Variants in TRMO observed in about 807,000 individuals in gnomAD.
The protein encoded by TRMO is tRNA (adenine(37)-N6)-methyltransferase.
TRMO carries 30 observed loss-of-function variants against 37.2 expected under a neutral mutation model. The ratio of observed to expected loss-of-function variants is 0.81; its 90% CI spans 0.60 to 1.09. The LOEUF (loss-of-function observed/expected upper bound fraction) is 1.09. Among genes scored for constraint, TRMO ranks in the 50% least tolerant of loss-of-function variants. TRMO has a pLI of 0.00. For synonymous variants in TRMO, 239 were observed against 199.4 expected (o/e 1.20, Z -1.67); for missense variants, 552 against 549.5 (o/e 1.00, Z -0.05).
intron 4 of TRMO, among the ~76,000 whole-genome samples, chr9:97,907,398 G>A (rs1327387294): frequency 6.6e-6 from 1 of 152,158 alleles, no homozygotes; most frequent in East Asian, 1.9e-4. Flanking sequence ...CCAACTTTTA[G>A]ACTTCTTTTT....
At chr9:97,899,601 A>G (rs1248538142), downstream of TRMO, among the ~76,000 whole-genome samples, 1 of 151,986 alleles carries the variant, frequency 6.6e-6, no homozygotes, top group Non-Finnish European at 1.5e-5. Context: ...AATTAAAAAG[A>G]CAGGCCAGGC....
the TRMO span, among the ~76,000 whole-genome samples, chr9:97,898,990 T>C: frequency 2.0e-5 from 3 of 151,602 alleles, no homozygotes; most frequent in East Asian, 5.8e-4. Flanking sequence ...CAGGCGCCTG[T>C]CACCACACCC....
downstream of TRMO, among the ~76,000 whole-genome samples, chr9:97,899,818 C>T (rs1286375723): frequency 6.6e-6 from 1 of 151,892 alleles, no homozygotes; most frequent in Non-Finnish European, 1.5e-5. Context: ...AGTTTGAGCC[C>T]AGGGGCAGAA....
At position 97,921,423 on chromosome 9, in the gene TRMO, ATT is replaced by A. The variant is rs1205049397; in HGVS notation, c.76+993_76+994del. 2.5e-3 allele frequency among the ~76,000 whole-genome samples: 356 copies of A among 140,198 alleles called. 6 individuals carry two copies. In the East Asian group the frequency reaches 0.056, roughly 22 times the overall value. The allele number at this position is 140,198 out of a possible 152,430, so 92.0% of individuals were successfully genotyped here. Reference sequence around the variant, plus strand: ...TTAATAATAACAAAACAAAGTGTTAATTTTTTTTTTTTTTTTTTGAGACGGAG... The same window carrying A: ...TTAATAATAACAAAACAAAGTGTTAATTTTTTTTTTTTTTTTGAGACGGAG... On this transcript the variant is annotated intron_variant, in intron 1 of 4. Coordinates refer to ENST00000375119, the MANE Select transcript of TRMO (RefSeq NM_016481.5).
chr9:97,903,635 G>A (rs1825735246), downstream of TRMO, among the ~76,000 whole-genome samples: 1 of 152,146 alleles, frequency 6.6e-6, no homozygotes. Flanking sequence ...GAGGATCCAT[G>A]TATAATTACT....
intron 1 of TRMO, 106 bp from the exon 2 acceptor site, chr9:97,916,444 T>G (rs1826364652): frequency 6.6e-6 from 5 of 757,688 alleles, no homozygotes; most frequent in Non-Finnish European, 1.1e-5. Context: ...AAAATCTTAG[T>G]GTCGTGCAAC....
At chr9:97,906,263 C>T (rs908936632) in intron 4 of TRMO, among the ~76,000 whole-genome samples, 1 of 152,228 alleles carries the variant, frequency 6.6e-6, no homozygotes, top group East Asian at 1.9e-4. Flanking sequence ...GCTCATCACA[C>T]TCCCCTGTGA....
chr9:97,918,468 G>T (rs1449612590), intron 1 of TRMO, among the ~76,000 whole-genome samples: 1 of 151,422 alleles, frequency 6.6e-6, no homozygotes, highest in Non-Finnish European at 1.5e-5. Flanking sequence ...TCAATATAAA[G>T]TCCAAGGTTT....
the TRMO span, among the ~76,000 whole-genome samples, chr9:97,897,530 G>A: frequency 6.6e-6 from 1 of 152,188 alleles, no homozygotes; most frequent in African/African-American, 2.4e-5. Flanking sequence ...ACTATCATTT[G>A]CTGACCCCTC....
chr9:97,898,109 C>G, the TRMO span, among the ~76,000 whole-genome samples: 1 of 152,166 alleles, frequency 6.6e-6, no homozygotes. Context: ...ATGCCAAGTG[C>G]CCCCCTCCAC....
At chr9:97,913,009 G>A in intron 3 of TRMO, 1 of 989,916 alleles carries the variant, frequency 1.0e-6, no homozygotes. Flanking sequence ...ACCAGTCTAT[G>A]TGTTTTCCAT....
chr9:97,917,540 T>C (rs1157483864), intron 1 of TRMO, among the ~76,000 whole-genome samples: 4 of 152,138 alleles, frequency 2.6e-5, no homozygotes, highest in East Asian at 1.9e-4. Flanking sequence ...AATGTGGAAA[T>C]TGAAAAAGTA....
chr9:97,913,066 A>G (rs1436930640), intron 3 of TRMO: 9 of 575,746 alleles, frequency 1.6e-5, no homozygotes, highest in African/African-American at 1.5e-4. Context: ...GAAAGTGTCC[A>G]TTTATTTTTA....
At chr9:97,907,617 A>T (rs1364497745) in intron 4 of TRMO, among the ~76,000 whole-genome samples, 1 of 152,044 alleles carries the variant, frequency 6.6e-6, no homozygotes, top group Non-Finnish European at 1.5e-5. Context: ...ACATCCCAGA[A>T]ATCACACAGG....
At chr9:97,917,845 A>ATT (rs112794003) in intron 1 of TRMO, among the ~76,000 whole-genome samples, 9 of 134,292 alleles carry the variant, frequency 6.7e-5, no homozygotes, top group Non-Finnish European at 1.1e-4. Flanking sequence ...TGCCCATCTA[A>ATT]TTTTTTTTTT....
chr9:97,920,095 T>G (rs1487462800), intron 1 of TRMO, among the ~76,000 whole-genome samples: 1 of 152,228 alleles, frequency 6.6e-6, no homozygotes, highest in Non-Finnish European at 1.5e-5. Context: ...CTTCTTCTTC[T>G]TGCCTATCTC....
chr9:97,904,452 C>T, downstream of TRMO: 2 of 1,196,952 alleles, frequency 1.7e-6, no homozygotes, highest in East Asian at 4.1e-5. Flanking sequence ...ATCAAGTGCA[C>T]CAAGAACAGC....
In TRMO at chr9:97,913,392, A is replaced by G; in HGVS notation, c.409+9T>C. ...GGAAAAAGGTAAAAGTAGAAATGAA[A>G]TGGGTTACCTTCTACCTTTTCCAGC... On this transcript the variant is annotated intron_variant, in intron 3 of 4. Coordinates refer to ENST00000375119, the MANE Select transcript of TRMO (RefSeq NM_016481.5). 1 of 1,613,888 alleles carries G rather than the reference A, an allele frequency of 6.2e-7. No individual in the cohort carries two copies. Among genetic ancestry groups the G allele is most frequent in the Non-Finnish European group, 8.5e-7 (1 of 1,179,920 alleles).
chr9:97,918,725 T>A (rs1284306396), intron 1 of TRMO, among the ~76,000 whole-genome samples: 1 of 152,166 alleles, frequency 6.6e-6, no homozygotes. Context: ...GCAACATACA[T>A]GTAAGTTATA....
Sources: allele counts gnomAD v4.1 joint callset (sites outside exome capture counted in the v4.1 genomes callset), GRCh38; gene constraint gnomAD v4.1.1; transcripts MANE v1.5; gene names NCBI Gene and HGNC (gene_info 2026-07-23, HGNC 2026-07-21).